CCSER1: variants seen among roughly 807,000 people sequenced by gnomAD.
CCSER1 encodes the protein coiled-coil serine rich protein 1, also known as serine-rich coiled-coil domain-containing protein 1.
Under a neutral mutation model 82.0 loss-of-function variants are expected in CCSER1, and 41 were observed. The observed-to-expected ratio is 0.50, with a 90% CI of 0.39 to 0.65. The LOEUF is 0.65. CCSER1 is among the 30% of genes least tolerant of loss of function. The probability of loss-of-function intolerance (pLI) is 0.00; values close to 1 mark genes in which losing one functional copy is unlikely to be tolerated. For missense variants in CCSER1, 1,119 were observed against 1,064.2 expected, an observed-to-expected ratio of 1.05 and a Z score of -0.72; for synonymous variants, 414 against 383.9, an observed-to-expected ratio of 1.08 and a Z score of -0.92.
chr4:90,143,266 G>C (rs190129661), intron 1 of CCSER1, among the ~76,000 whole-genome samples: 1 of 152,090 alleles, frequency 6.6e-6, no homozygotes, highest in African/African-American at 2.4e-5. Flanking sequence ...TTCTTCTCAA[G>C]CTTCATCTCT....
At chr4:90,735,066 A>G (rs1745429275) in intron 7 of CCSER1, among the ~76,000 whole-genome samples, 1 of 152,016 alleles carries the variant, frequency 6.6e-6, no homozygotes, top group Non-Finnish European at 1.5e-5. Context: ...CTTTTTCAGC[A>G]TCTATTAAAA....
Position 91,096,537 on chromosome 4 carries a change from C to T in CCSER1, c.2217+10543C>T, listed in dbSNP as rs149358932. ...ATATATGGGAACTGATCTGGGTGTC[C>T]TGGCTTGCCAGTTACTTTATGCCAT... is the stretch of plus-strand genomic sequence containing the variant. On this transcript the variant is annotated intron_variant, in intron 10 of 10. Coordinates refer to ENST00000509176, the MANE Select transcript of CCSER1 (RefSeq NM_001145065.2). Among the ~76,000 whole-genome samples, 963 of 152,298 alleles carry T rather than the reference C, an allele frequency of 6.3e-3. 3 individuals carry two copies. The highest frequency in any genetic ancestry group is 0.011 in the Non-Finnish European group (769 of 68,016).
At chr4:91,515,151 G>T (rs1416849449) in intron 10 of CCSER1, among the ~76,000 whole-genome samples, 1 of 151,970 alleles carries the variant, frequency 6.6e-6, no homozygotes, top group African/African-American at 2.4e-5. Context: ...TTGTATCTTT[G>T]AATCTAAGGG....
At chr4:91,184,312 A>C (rs1301719836) in intron 10 of CCSER1, among the ~76,000 whole-genome samples, 1 of 152,244 alleles carries the variant, frequency 6.6e-6, no homozygotes, top group South Asian at 2.1e-4. Flanking sequence ...CAGGTTGTTT[A>C]CTGCAGGAAT....
chr4:90,837,736 C>T (rs375168598), intron 8 of CCSER1, among the ~76,000 whole-genome samples: 150 of 152,126 alleles, frequency 9.9e-4, no homozygotes, highest in Middle Eastern at 6.8e-3. Context: ...AATTGAGATG[C>T]CCATGGGACA....
At position 90,811,985 on chromosome 4, in the gene CCSER1, T is replaced by TAAACACACACACACAC. The variant is rs1322585282; in HGVS notation, c.2011-3776_2011-3775insAACACACACACACACA. 2.3e-3 allele frequency among the ~76,000 whole-genome samples: 300 copies of TAAACACACACACACAC among 133,030 alleles called. 2 individuals are homozygous for TAAACACACACACACAC. Among genetic ancestry groups the TAAACACACACACACAC allele is most frequent in the East Asian group, 0.011 (50 of 4,638 alleles). 87.3% of individuals were successfully genotyped at this position (133,030 alleles called of 152,430 possible). On this transcript the variant is annotated intron_variant, in intron 7 of 10. Coordinates refer to ENST00000509176, the MANE Select transcript of CCSER1 (RefSeq NM_001145065.2). Reference sequence around the variant, plus strand: ...ATATATACACATATATATATATATATATATAAACACATATATATATATGAG... The same window carrying TAAACACACACACACAC: ...ATATATACACATATATATATATATATAAACACACACACACACATATAAACACATATATATATATGAG...
chr4:90,796,903 T>G (rs1303692359), intron 7 of CCSER1, among the ~76,000 whole-genome samples: 1 of 152,188 alleles, frequency 6.6e-6, no homozygotes, highest in African/African-American at 2.4e-5. Flanking sequence ...TTACTGCTAC[T>G]GATTTTGTTA....
intron 6 of CCSER1, among the ~76,000 whole-genome samples, chr4:90,703,759 G>A (rs916609802): frequency 6.6e-6 from 1 of 151,972 alleles, no homozygotes; most frequent in East Asian, 1.9e-4. Context: ...ATCTTTGTTG[G>A]TTTAAAGTCT....
At chr4:91,499,866 C>T (rs565152231) in intron 10 of CCSER1, among the ~76,000 whole-genome samples, 16 of 152,080 alleles carry the variant, frequency 1.1e-4, no homozygotes, top group African/African-American at 3.9e-4. Flanking sequence ...TACAGTTTAT[C>T]TGTTCATCTA....
chr4:91,326,619 C>A (rs1197706025), intron 10 of CCSER1, among the ~76,000 whole-genome samples: 1 of 152,124 alleles, frequency 6.6e-6, no homozygotes, highest in South Asian at 2.1e-4. Context: ...CACAATCATG[C>A]CTTTCCAGCA....
At chr4:90,268,236 A>G (rs1725589834) in intron 1 of CCSER1, among the ~76,000 whole-genome samples, 1 of 152,208 alleles carries the variant, frequency 6.6e-6, no homozygotes, top group Non-Finnish European at 1.5e-5. Context: ...ATAAATATGC[A>G]GAAAAACACA....
intron 1 of CCSER1, among the ~76,000 whole-genome samples, chr4:90,273,927 G>T (rs1727063159): frequency 6.6e-6 from 1 of 152,126 alleles, no homozygotes; most frequent in African/African-American, 2.4e-5. Flanking sequence ...AATTATTCAA[G>T]ATATTTGCAA....
intron 7 of CCSER1, among the ~76,000 whole-genome samples, chr4:90,788,360 A>T (rs1328485612): frequency 2.0e-5 from 3 of 152,168 alleles, no homozygotes; most frequent in African/African-American, 4.8e-5. Flanking sequence ...CTACAAACAA[A>T]CTGAGTGGCT....
At chr4:90,377,897 A>G (rs1457671967) in intron 3 of CCSER1, among the ~76,000 whole-genome samples, 1 of 152,136 alleles carries the variant, frequency 6.6e-6, no homozygotes, top group Non-Finnish European at 1.5e-5. Context: ...TGTTTTTATT[A>G]TGAAGATGGG....
At chr4:91,163,121 G>A (rs991892786) in intron 10 of CCSER1, among the ~76,000 whole-genome samples, 1 of 152,128 alleles carries the variant, frequency 6.6e-6, no homozygotes, top group African/African-American at 2.4e-5. Context: ...CAGAGATTCT[G>A]GTATGTTGTG....
intron 9 of CCSER1, among the ~76,000 whole-genome samples, chr4:91,079,864 T>G (rs1722496281): frequency 6.6e-6 from 1 of 152,052 alleles, no homozygotes; most frequent in African/African-American, 2.4e-5. Context: ...CAAAAAGAGC[T>G]AACTATTCTA....
At chr4:91,218,882 T>G (rs1367530467) in intron 10 of CCSER1, among the ~76,000 whole-genome samples, 1 of 152,200 alleles carries the variant, frequency 6.6e-6, no homozygotes, top group Non-Finnish European at 1.5e-5. Flanking sequence ...TAGAATCCTA[T>G]TCTTGGTAAT....
At chr4:91,426,765 T>C (rs555544656) in intron 10 of CCSER1, among the ~76,000 whole-genome samples, 6 of 152,246 alleles carry the variant, frequency 3.9e-5, no homozygotes, top group African/African-American at 1.4e-4. Context: ...TTAATAGTCT[T>C]CTAAAAACAA....
intron 9 of CCSER1, among the ~76,000 whole-genome samples, chr4:90,935,032 A>G (rs1730757347): frequency 6.6e-6 from 1 of 152,108 alleles, no homozygotes; most frequent in East Asian, 1.9e-4. Context: ...ATATATATGT[A>G]TATATGTGTG....
Sources: allele counts gnomAD v4.1 joint callset (sites outside exome capture counted in the v4.1 genomes callset), GRCh38; gene constraint gnomAD v4.1.1; transcripts MANE v1.5; gene names NCBI Gene and HGNC (gene_info 2026-07-23, HGNC 2026-07-21).